TTC6: variants seen among roughly 807,000 people sequenced by gnomAD.
TTC6 encodes tetratricopeptide repeat protein 6.
A neutral mutation model predicts 210.4 loss-of-function variants in TTC6; 172 were observed. That is an observed-to-expected ratio of 0.82 (90% confidence interval 0.72 to 0.93). The LOEUF is 0.93. Among genes scored for constraint, TTC6 ranks in the 40% least tolerant of loss-of-function variants. The pLI, the probability that TTC6 is intolerant of heterozygous loss-of-function variation, is 0.00. For synonymous variants in TTC6, 804 were observed against 819.6 expected, an observed-to-expected ratio of 0.98 and a Z score of 0.32; for missense variants, 2,414 against 2,318.1, an observed-to-expected ratio of 1.04 and a Z score of -0.85.
In TTC6 at chr14:37,787,514, G is replaced by A. The variant is rs747628670; in HGVS notation, c.3313G>A (p.Ala1105Thr). Reference sequence around the variant, plus strand: ...TGTTAAATGGAAATTTTATAAAGAAGCAACTCAAGATTTTTCTGCTGCAAT... The same window carrying A: ...TGTTAAATGGAAATTTTATAAAGAAACAACTCAAGATTTTTCTGCTGCAAT... The change falls in exon 15 of 31, where the codon GCA becomes ACA. Residue 1105 changes from alanine (A) to threonine (T), a missense_variant. Ala to Thr is a moderately conservative substitution (Grantham distance 58). Coordinates refer to ENST00000553443, the Ensembl canonical transcript of TTC6. The A allele has an allele frequency of 3.3e-6, 5 of 1,529,994 alleles. No homozygotes were observed. In the South Asian group the frequency reaches 4.8e-5, roughly 15 times the overall value. 94.8% of individuals were successfully genotyped at this position (1,529,994 alleles called of 1,614,324 possible). A position where few individuals can be genotyped will look rare whatever the true frequency, so the allele number is the denominator to read the frequency against.
At chr14:37,674,127 TTTTG>T (rs1448604138) in intron 1 of TTC6, among the ~76,000 whole-genome samples, 1 of 152,146 alleles carries the variant, frequency 6.6e-6, no homozygotes, top group Non-Finnish European at 1.5e-5. Flanking sequence ...GTCATTTTTT[TTTTG>T]TTTGTTTTCC....
upstream of TTC6, among the ~76,000 whole-genome samples, chr14:37,619,046 A>G (rs1491003116): frequency 6.6e-6 from 1 of 152,210 alleles, no homozygotes; most frequent in East Asian, 1.9e-4. Flanking sequence ...TGCAAACAAT[A>G]AGAGCCAAAA....
downstream of TTC6, chr14:37,842,481 A>C: frequency 2.3e-6 from 1 of 444,214 alleles, no homozygotes. Flanking sequence ...CATTTGCTGC[A>C]TATTTGGAAT....
exon 7 of TTC6, chr14:37,724,921 G>A (rs946505347): frequency 1.1e-5 from 17 of 1,525,268 alleles, no homozygotes; most frequent in East Asian, 4.9e-5. Flanking sequence ...CAGAATTCAC[G>A]AAGTTGTTTT....
chr14:37,688,972 C>G (rs1417326530), intron 3 of TTC6, among the ~76,000 whole-genome samples: 1 of 152,084 alleles, frequency 6.6e-6, no homozygotes, highest in Non-Finnish European at 1.5e-5. Flanking sequence ...CTAAATAAGG[C>G]ACCAAGGGCC....
chr14:37,774,595 C>T (rs1199566284), intron 14 of TTC6, among the ~76,000 whole-genome samples: 3 of 152,146 alleles, frequency 2.0e-5, no homozygotes, highest in Non-Finnish European at 2.9e-5. Context: ...CCTACTTGCT[C>T]ATGGTGGATT....
At chr14:37,662,597 A>G (rs1158106612) in intron 1 of TTC6, among the ~76,000 whole-genome samples, 1 of 152,082 alleles carries the variant, frequency 6.6e-6, no homozygotes, top group Non-Finnish European at 1.5e-5. Context: ...TGGTGAAAGG[A>G]AGGGGTCCAG....
intron 7 of TTC6, among the ~76,000 whole-genome samples, chr14:37,727,127 CCAGT>C (rs1449533448): frequency 2.0e-5 from 3 of 151,530 alleles, no homozygotes; most frequent in Admixed American, 2.0e-4. Context: ...GATATCGTGG[CCAGT>C]CAACCAGAAA....
intron 15 of TTC6, 82 bp downstream of exon 17, chr14:37,787,719 G>GTATACATATTACATTCA: frequency 8.6e-7 from 1 of 1,162,808 alleles, no homozygotes; most frequent in African/African-American, 1.5e-5. Context: ...ATGGTAATGT[G>GTATACATATTACATTCA]GGTTCACTAA....
chr14:37,708,449 A>T (rs1465476191), intron 5 of TTC6, among the ~76,000 whole-genome samples: 9 of 152,120 alleles, frequency 5.9e-5, no homozygotes. Flanking sequence ...TAAAAAATAC[A>T]GCGTAATGAT....
At chr14:37,744,121 T>C (rs1168529204) in intron 10 of TTC6, among the ~76,000 whole-genome samples, 1 of 152,226 alleles carries the variant, frequency 6.6e-6, no homozygotes, top group Non-Finnish European at 1.5e-5. Context: ...ATTTCTCTTA[T>C]TAAATCATGG....
At position 37,663,310 on chromosome 14, in the gene TTC6, G is replaced by A. The variant is rs177892; in HGVS notation, c.940-16841G>A. 3.9e-3 allele frequency among the ~76,000 whole-genome samples: 597 copies of A among 151,884 alleles called. 8 individuals are homozygous for A. Among genetic ancestry groups the A allele is most frequent in the African/African-American group, 0.013 (540 of 41,398 alleles). ...AAGGAGCTTTTGGATTGAGATTATG[G>A]GTTTTTCTAGATATACTGAAAAAGT... On this transcript the variant is annotated intron_variant, in intron 1 of 30. Transcript: ENST00000553443.
chr14:37,680,817 A>G (rs1184153033), intron 2 of TTC6, among the ~76,000 whole-genome samples: 1 of 152,180 alleles, frequency 6.6e-6, no homozygotes, highest in Non-Finnish European at 1.5e-5. Context: ...TGATAGCCTG[A>G]TGGTCAGTTC....
At chr14:37,752,185 A>G (rs969625349) in intron 13 of TTC6, among the ~76,000 whole-genome samples, 1 of 152,020 alleles carries the variant, frequency 6.6e-6, no homozygotes, top group African/African-American at 2.4e-5. Context: ...TTGCAGTACA[A>G]TTCTAACTCT....
chr14:37,764,488 C>T (rs967287923), intron 14 of TTC6, among the ~76,000 whole-genome samples: 6 of 152,110 alleles, frequency 3.9e-5, no homozygotes, highest in Non-Finnish European at 8.8e-5. Context: ...TCATATCTTA[C>T]TGATTGATTG....
intron 3 of TTC6, among the ~76,000 whole-genome samples, chr14:37,695,790 A>G (rs1267388757): frequency 6.6e-6 from 1 of 151,856 alleles, no homozygotes; most frequent in East Asian, 1.9e-4. Context: ...ACATGCCTGT[A>G]TGAAAACACT....
chr14:37,647,881 A>G (rs2095704470), intron 1 of TTC6, among the ~76,000 whole-genome samples: 1 of 152,168 alleles, frequency 6.6e-6, no homozygotes. Flanking sequence ...AAAAACCAGG[A>G]GAATGTGTTT....
chr14:37,775,020 C>T (rs1017858268), intron 14 of TTC6, among the ~76,000 whole-genome samples: 1 of 152,010 alleles, frequency 6.6e-6, no homozygotes. Context: ...AGCTTGTGTG[C>T]ATAGTGTTCA....
intron 7 of TTC6, among the ~76,000 whole-genome samples, chr14:37,725,350 A>ATATG (rs2095870683): frequency 1.6e-5 from 2 of 123,558 alleles, no homozygotes; most frequent in East Asian, 4.7e-4. Context: ...ATATATATAT[A>ATATG]TATATATAAT....
Sources: gnomAD v4.1 joint callset for allele counts (sites outside exome capture counted in the v4.1 genomes callset) on GRCh38, gnomAD v4.1.1 for gene constraint, MANE v1.5 for transcripts, NCBI Gene and HGNC (gene_info 2026-07-23, HGNC 2026-07-21) for gene names.